Variants in ZEB1 observed in about 807,000 individuals in gnomAD.
The protein encoded by ZEB1 is zinc finger E-box-binding homeobox 1.
A neutral mutation model predicts 84.9 loss-of-function variants in ZEB1; 21 were observed. That is an observed-to-expected ratio of 0.25 (90% confidence interval 0.18 to 0.36). The LOEUF is 0.36. Among genes scored for constraint, ZEB1 ranks in the 10% least tolerant of loss-of-function variants. The pLI is 1.00. For missense variants in ZEB1, 1,104 were observed against 1,330.2 expected (o/e 0.83, Z 2.65); for synonymous variants, 420 against 471.1 (o/e 0.89, Z 1.41).
intron 1 of ZEB1, among the ~76,000 whole-genome samples, chr10:31,399,042 G>A (rs2051382433): frequency 6.7e-6 from 1 of 148,540 alleles, no homozygotes; most frequent in Non-Finnish European, 1.5e-5. Context: ...CCAAGCTGGA[G>A]TGAGTGCAAT....
intron 1 of ZEB1, among the ~76,000 whole-genome samples, chr10:31,353,063 A>G (rs2041564323): frequency 6.6e-6 from 1 of 152,164 alleles, no homozygotes; most frequent in Non-Finnish European, 1.5e-5. Flanking sequence ...TGACCACTGG[A>G]TTTACACTAG....
intron 1 of ZEB1, among the ~76,000 whole-genome samples, chr10:31,361,591 C>T (rs1465222561): frequency 6.7e-6 from 1 of 150,030 alleles, no homozygotes; most frequent in Non-Finnish European, 1.5e-5. Context: ...TCCTCACTTC[C>T]CAGACGGTGC....
intron 1 of ZEB1, among the ~76,000 whole-genome samples, chr10:31,437,018 C>T (rs934502430): frequency 1.3e-5 from 2 of 152,064 alleles, no homozygotes; most frequent in Non-Finnish European, 2.9e-5. Flanking sequence ...ACTCAGGTAA[C>T]TTAGGTAAAA....
intron 5 of ZEB1, 28 bp from the exon 6 acceptor site, chr10:31,514,575 A>C (rs781222319): frequency 6.3e-7 from 1 of 1,597,282 alleles, no homozygotes; most frequent in Admixed American, 1.7e-5. Context: ...TTTGCTTTTC[A>C]AATAAAATAC....
intron 1 of ZEB1, among the ~76,000 whole-genome samples, chr10:31,438,793 A>G (rs2058564579): frequency 6.6e-6 from 1 of 152,246 alleles, no homozygotes; most frequent in African/African-American, 2.4e-5. Flanking sequence ...GCAGTGAGCT[A>G]CGATCATGCC....
At chr10:31,465,974 G>T (rs569412656) in intron 2 of ZEB1, among the ~76,000 whole-genome samples, 1 of 152,054 alleles carries the variant, frequency 6.6e-6, no homozygotes, top group African/African-American at 2.4e-5. Flanking sequence ...AGAGAGCAGT[G>T]GTGGCCATTT....
At chr10:31,423,548 C>T (rs2056509280) in intron 1 of ZEB1, among the ~76,000 whole-genome samples, 1 of 152,052 alleles carries the variant, frequency 6.6e-6, no homozygotes, top group South Asian at 2.1e-4. Context: ...TAGGTATACT[C>T]CCAAAAGGTT....
Position 31,383,997 on chromosome 10 carries a change from A to G in ZEB1, c.58+64705A>G, listed in dbSNP as rs563833977. On this transcript the variant is annotated intron_variant, in intron 1 of 8. Coordinates refer to ENST00000424869, the MANE Select transcript of ZEB1 (RefSeq NM_001174096.2). ...TTTTTTTTTTTTTTTTTTTTGAGAT[A>G]GAGTCTCACTCTGTCGCCCAGACTG... 1.6e-3 allele frequency among the ~76,000 whole-genome samples: 186 copies of G among 113,824 alleles called. 1 individual carries two copies. The highest frequency in any genetic ancestry group is 2.5e-3 in the Non-Finnish European group (146 of 59,038). 74.7% of individuals were successfully genotyped at this position (113,824 alleles called of 152,430 possible).
chr10:31,520,495 C>T lies in ZEB1; in HGVS notation c.1163C>T (p.Pro388Leu). 6.2e-7 allele frequency: 1 copy of T among 1,613,938 alleles called. No individual in the cohort carries two copies. The highest frequency in any genetic ancestry group is 8.5e-7 in the Non-Finnish European group (1 of 1,179,868). The change falls in exon 7 of 9, where the codon CCT (proline) becomes CTT (leucine). Residue 388 changes from proline (P) to leucine (L), a missense_variant. Physicochemically the swap from Pro to Leu is moderately conservative, Grantham distance 98. Transcript: ENST00000424869. The surrounding 1 kb of genome is among the most constrained non-coding windows in gnomAD (Gnocchi z 5.1). ...GGGPLQATSSPQGMVQAVVLP... is the reference protein window; with the variant it reads ...GGGPLQATSSLQGMVQAVVLP... ...GGCCCATTACAGGCAACCAGTTCTCCTCAGGGCATGGTGCAAGCTGTTGTT... is the reference window on the plus strand; with the variant it reads ...GGCCCATTACAGGCAACCAGTTCTCTTCAGGGCATGGTGCAAGCTGTTGTT...
chr10:31,399,127 G>A (rs547726779), intron 1 of ZEB1, among the ~76,000 whole-genome samples: 5 of 151,538 alleles, frequency 3.3e-5, no homozygotes, highest in Admixed American at 6.6e-5. Context: ...CCCATGTAGC[G>A]GGGATTACAG....
At chr10:31,370,731 T>G (rs2045552189) in intron 1 of ZEB1, among the ~76,000 whole-genome samples, 1 of 152,218 alleles carries the variant, frequency 6.6e-6, no homozygotes, top group Non-Finnish European at 1.5e-5. Flanking sequence ...TAACTCTTTC[T>G]TTCTTTGATT....
intron 1 of ZEB1, among the ~76,000 whole-genome samples, chr10:31,458,840 G>C (rs1207492948): frequency 6.6e-6 from 1 of 152,118 alleles, no homozygotes; most frequent in Non-Finnish European, 1.5e-5. Context: ...CTGTATGATA[G>C]AATGCTGTGT....
intron 1 of ZEB1, among the ~76,000 whole-genome samples, chr10:31,323,046 A>G (rs894487504): frequency 2.0e-5 from 3 of 152,168 alleles, no homozygotes; most frequent in Admixed American, 6.5e-5. Flanking sequence ...GAAACTAGAA[A>G]GAAGCAGGAC....
At chr10:31,393,220 G>T (rs1390610946) in intron 1 of ZEB1, among the ~76,000 whole-genome samples, 1 of 152,136 alleles carries the variant, frequency 6.6e-6, no homozygotes, top group African/African-American at 2.4e-5. Context: ...ATAGAAAATG[G>T]TATTGACTTC....
At chr10:31,518,825 G>A (rs926083820) in intron 6 of ZEB1, among the ~76,000 whole-genome samples, 11 of 152,090 alleles carry the variant, frequency 7.2e-5, no homozygotes, top group Non-Finnish European at 1.2e-4. Context: ...TCATTGAAAA[G>A]GAGGCTGTAC....
At chr10:31,369,735 T>C (rs1015110382) in intron 1 of ZEB1, among the ~76,000 whole-genome samples, 1 of 152,236 alleles carries the variant, frequency 6.6e-6, no homozygotes, top group African/African-American at 2.4e-5. Context: ...GATCACTAGA[T>C]CATACAGTAG....
At chr10:31,427,563 T>G (rs1182564178) in intron 1 of ZEB1, among the ~76,000 whole-genome samples, 1 of 152,046 alleles carries the variant, frequency 6.6e-6, no homozygotes, top group Non-Finnish European at 1.5e-5. Flanking sequence ...TAAAAGGCAA[T>G]GAATCTTGGC....
intron 1 of ZEB1, among the ~76,000 whole-genome samples, chr10:31,378,834 A>G (rs973151702): frequency 3.3e-5 from 5 of 152,058 alleles, no homozygotes; most frequent in African/African-American, 7.2e-5. Flanking sequence ...CATGATAACC[A>G]CTAGAACAGT....
At chr10:31,321,721 G>A (rs1458489270) in intron 1 of ZEB1, 1 of 782,168 alleles carries the variant, frequency 1.3e-6, no homozygotes, top group Non-Finnish European at 2.1e-6. Context: ...TTGAGATCCT[G>A]TGATATGAAT....
Sources: allele counts gnomAD v4.1 joint callset (sites outside exome capture counted in the v4.1 genomes callset), GRCh38; gene constraint gnomAD v4.1.1; non-coding constraint Gnocchi (gnomAD v3.1); transcripts MANE v1.5; gene names NCBI Gene and HGNC (gene_info 2026-07-23, HGNC 2026-07-21).